The following ATP10B variants were observed in gnomAD, a reference collection of about 807,000 sequenced individuals.
ATP10B encodes the protein phospholipid-transporting ATPase VB.
In ATP10B, 122 loss-of-function variants were observed where a neutral mutation model predicts 141.2. That is an observed-to-expected ratio of 0.86 (90% confidence interval 0.75 to 1.00). The LOEUF (loss-of-function observed/expected upper bound fraction) is 1.00. ATP10B is among the 50% of genes least tolerant of loss of function. The pLI is 0.00. For missense variants in ATP10B, 1,876 were observed against 1,825.3 expected, an observed-to-expected ratio of 1.03 and a Z score of -0.51; for synonymous variants, 685 against 692.0, an observed-to-expected ratio of 0.99 and a Z score of 0.16.
At chr5:160,744,878 T>C (rs1406867688) in intron 2 of ATP10B, among the ~76,000 whole-genome samples, 1 of 152,180 alleles carries the variant, frequency 6.6e-6, no homozygotes, top group East Asian at 1.9e-4. Flanking sequence ...TCAGCTCCCA[T>C]TTGGAATCAG....
chr5:160,730,201 G>T (rs74740934), intron 2 of ATP10B, among the ~76,000 whole-genome samples: 1 of 152,102 alleles, frequency 6.6e-6, no homozygotes, highest in African/African-American at 2.4e-5. Context: ...TACAGATGTG[G>T]AGAGTGCAGC....
chr5:160,890,501 T>C, the ATP10B span, among the ~76,000 whole-genome samples: 5 of 151,832 alleles, frequency 3.3e-5, no homozygotes, highest in Non-Finnish European at 5.9e-5. Flanking sequence ...TCTTTGGATT[T>C]GACTATTCTG....
At chr5:160,807,706 G>T (rs1414333012) in intron 1 of ATP10B, among the ~76,000 whole-genome samples, 1 of 152,124 alleles carries the variant, frequency 6.6e-6, no homozygotes, top group East Asian at 1.9e-4. Flanking sequence ...GATAAAAACA[G>T]AACTATTTGA....
intron 7 of ATP10B, among the ~76,000 whole-genome samples, chr5:160,651,707 T>C (rs1158957963): frequency 6.6e-6 from 1 of 152,134 alleles, no homozygotes; most frequent in Non-Finnish European, 1.5e-5. Flanking sequence ...TCTGGCTTCG[T>C]GTAAATATAC....
chr5:160,735,165 G>T (rs137976147), intron 2 of ATP10B, among the ~76,000 whole-genome samples: 3 of 148,324 alleles, frequency 2.0e-5, no homozygotes, highest in Non-Finnish European at 4.5e-5. Flanking sequence ...ATCAAGAATA[G>T]CACTGAATGT....
Position 160,573,890 on chromosome 5 carries a change from G to T in ATP10B, c.3751-4207C>A, listed in dbSNP as rs187760530. 3.8e-3 allele frequency among the ~76,000 whole-genome samples: 573 copies of T among 152,174 alleles called. 1 individual carries two copies. The highest frequency in any genetic ancestry group is 6.8e-3 in the Middle Eastern group (2 of 294). ...ATTTTTCTGATCGATGAATATTTAG[G>T]CCCCCTTTTGGCTATTAAGAACGAT... On this transcript the variant is annotated intron_variant, in intron 24 of 25. Coordinates refer to ENST00000327245, the MANE Select transcript of ATP10B (RefSeq NM_025153.3).
At chr5:160,652,881 A>ATATAAT (rs1760901005) in intron 7 of ATP10B, among the ~76,000 whole-genome samples, 3 of 90,694 alleles carry the variant, frequency 3.3e-5, no homozygotes, top group Admixed American at 1.7e-4. Context: ...TATATAATAT[A>ATATAAT]TATATAATTA....
At chr5:160,824,915 C>T (rs142883047) in intron 1 of ATP10B, among the ~76,000 whole-genome samples, 1 of 152,208 alleles carries the variant, frequency 6.6e-6, no homozygotes, top group Non-Finnish European at 1.5e-5. Flanking sequence ...CCTTCTCTCC[C>T]TGTTCCTGGT....
At chr5:160,761,690 A>C (rs956290956) in intron 2 of ATP10B, among the ~76,000 whole-genome samples, 9 of 152,222 alleles carry the variant, frequency 5.9e-5, no homozygotes, top group Admixed American at 5.9e-4. Flanking sequence ...TAACACTCCT[A>C]AAAGATCACA....
At chr5:160,768,196 T>C (rs1769620185) in intron 2 of ATP10B, among the ~76,000 whole-genome samples, 1 of 152,238 alleles carries the variant, frequency 6.6e-6, no homozygotes, top group Non-Finnish European at 1.5e-5. Context: ...ATTTACTGTA[T>C]GTCTAGAATT....
upstream of ATP10B, among the ~76,000 whole-genome samples, chr5:160,854,228 C>T (rs944625731): frequency 6.6e-6 from 1 of 152,050 alleles, no homozygotes; most frequent in Non-Finnish European, 1.5e-5. Flanking sequence ...ACATGCAGAA[C>T]ATGCAGGTTA....
the ATP10B span, among the ~76,000 whole-genome samples, chr5:160,903,180 C>T: frequency 7.9e-5 from 12 of 152,144 alleles, no homozygotes; most frequent in African/African-American, 9.7e-5. Flanking sequence ...TGCCCAGAAA[C>T]GTGCTTAGGG....
chr5:160,800,821 C>G (rs1368186662), intron 1 of ATP10B, among the ~76,000 whole-genome samples: 1 of 152,216 alleles, frequency 6.6e-6, no homozygotes, highest in Non-Finnish European at 1.5e-5. Flanking sequence ...GCTTAAGAAA[C>G]ACATTTAAAA....
the ATP10B span, among the ~76,000 whole-genome samples, chr5:160,867,922 G>A: frequency 1.3e-5 from 2 of 152,028 alleles, no homozygotes; most frequent in Non-Finnish European, 2.9e-5. Flanking sequence ...CAGATAGAAG[G>A]GATGGATTTT....
At chr5:160,833,981 G>T (rs901361454) in intron 1 of ATP10B, among the ~76,000 whole-genome samples, 7 of 152,024 alleles carry the variant, frequency 4.6e-5, no homozygotes, top group Non-Finnish European at 8.8e-5. Flanking sequence ...TACCATACTT[G>T]TGGGCAGTCA....
At chr5:160,855,460 T>C (rs1024090441), upstream of ATP10B, among the ~76,000 whole-genome samples, 7 of 152,050 alleles carry the variant, frequency 4.6e-5, no homozygotes, top group African/African-American at 1.4e-4. Flanking sequence ...CTTTTGCTTA[T>C]GTTTTAATTA....
At chr5:160,704,914 C>CTTTTTCTTTTTT (rs1764896898) in intron 3 of ATP10B, among the ~76,000 whole-genome samples, 1 of 83,624 alleles carries the variant, frequency 1.2e-5, no homozygotes, top group African/African-American at 5.8e-5. Flanking sequence ...TTTCTTTCAT[C>CTTTTTCTTTTTT]TTTTTTTTTT....
rs191744271 is a variant in ATP10B at position 160,583,870 on chromosome 5, C to A, written c.3750+5722G>T. 3.9e-5 allele frequency among the ~76,000 whole-genome samples: 6 copies of A among 152,246 alleles called. No homozygotes were observed. The East Asian group carries it at 7.7e-4, about 20-fold the overall frequency. On this transcript the variant is annotated intron_variant, in intron 24 of 25. Coordinates refer to ENST00000327245, the MANE Select transcript of ATP10B (RefSeq NM_025153.3). Reference sequence around the variant, plus strand: ...ACTGAAGCCTCAGTAATGGTGGACACCCCTCTCCCAACCAAGCTGGAGTGT... The same window carrying A: ...ACTGAAGCCTCAGTAATGGTGGACAACCCTCTCCCAACCAAGCTGGAGTGT...
the ATP10B span, among the ~76,000 whole-genome samples, chr5:160,899,234 G>A: frequency 2.0e-5 from 3 of 151,988 alleles, no homozygotes; most frequent in African/African-American, 7.3e-5. Flanking sequence ...TGGGGGGGAG[G>A]GGTCACAGTT....
Sources: gnomAD v4.1 joint callset for allele counts (sites outside exome capture counted in the v4.1 genomes callset) on GRCh38, gnomAD v4.1.1 for gene constraint, MANE v1.5 for transcripts, NCBI Gene and HGNC (gene_info 2026-07-23, HGNC 2026-07-21) for gene names.